Variants in MTAP observed in about 807,000 individuals in gnomAD.
MTAP encodes S-methyl-5'-thioadenosine phosphorylase.
MTAP carries 33 observed loss-of-function variants against 33.6 expected under a neutral mutation model. The ratio of observed to expected loss-of-function variants is 0.98; its 90% CI spans 0.74 to 1.31. The LOEUF is 1.31. Ranked by LOEUF, MTAP falls within the 40% of genes most tolerant of loss-of-function variation. The pLI is 0.00. For missense variants in MTAP, 367 were observed against 360.0 expected, an observed-to-expected ratio of 1.02 and a Z score of -0.16; for synonymous variants, 148 against 125.7, an observed-to-expected ratio of 1.18 and a Z score of -1.19.
rs570863674 is a variant in MTAP, at chr9:21,821,591, T to A, written c.347+3389T>A. On this transcript the variant is annotated intron_variant, in intron 4 of 7. Transcript: ENST00000644715. The stretch of plus-strand genomic sequence containing the variant: ...GGATATTGGTCTAAAATTGTCTTTT[T>A]TGGTTGTGTCTCTGCCAGGCTTTGG... 3.9e-3 allele frequency among the ~76,000 whole-genome samples: 596 copies of A among 152,296 alleles called. 7 individuals are homozygous for A. Among genetic ancestry groups the A allele is most frequent in the African/African-American group, 0.014 (569 of 41,560 alleles).
downstream of MTAP, among the ~76,000 whole-genome samples, chr9:21,867,799 C>G (rs80250392): frequency 5.6e-3 from 853 of 151,928 alleles, 18 homozygotes; most frequent in East Asian, 0.055. Flanking sequence ...ACATTTGATA[C>G]CTGAAAATAT....
chr9:21,862,019 G>A lies in MTAP; in HGVS notation c.*5G>A, dbSNP rs367743939. ...GTTTTATTACCAAGACATTAAAGTAGCATGGCTGCCCAGGAGAAAAGAAGA... is the reference window on the plus strand; with the variant it reads ...GTTTTATTACCAAGACATTAAAGTAACATGGCTGCCCAGGAGAAAAGAAGA... On this transcript the variant is annotated 3_prime_UTR_variant, in exon 8 of 8. Transcript: ENST00000644715. 3.7e-6 allele frequency: 6 copies of A among 1,611,982 alleles called. No individual in the cohort carries two copies. In the African/African-American group the frequency reaches 4.0e-5, roughly 11 times the overall value.
chr9:21,825,680 A>G lies in MTAP; in HGVS notation c.347+7478A>G, dbSNP rs373673571. Among the ~76,000 whole-genome samples the G allele has an allele frequency of 2.6e-5, 4 of 152,324 alleles. No individual in the cohort carries two copies. The South Asian group carries it at 8.3e-4, about 32-fold the overall frequency. On this transcript the variant is annotated intron_variant, in intron 4 of 7. Transcript: ENST00000644715. ...TAGTGAGACCTTGTCTCTGTAAAAA[A>G]TAAAACAAAAATTAGCCATGTGTGT...
chr9:21,885,637 G>C (rs748382499), intron 1 of MTAP, among the ~76,000 whole-genome samples: 16 of 152,100 alleles, frequency 1.1e-4, no homozygotes, highest in South Asian at 4.2e-4. Flanking sequence ...TTGCATCCTC[G>C]TGGCTTAGCT....
chr9:21,849,431 G>A (rs367648119), intron 5 of MTAP, among the ~76,000 whole-genome samples: 41 of 152,282 alleles, frequency 2.7e-4, no homozygotes, highest in Middle Eastern at 6.8e-3. Flanking sequence ...TTTAGCTCAG[G>A]TCTGACGTGC....
At chr9:21,823,204 A>T (rs1250899035) in intron 4 of MTAP, among the ~76,000 whole-genome samples, 1 of 152,156 alleles carries the variant, frequency 6.6e-6, no homozygotes, top group Non-Finnish European at 1.5e-5. Context: ...TCGTTAGTTG[A>T]TGCAGTTTCT....
At chr9:21,899,140 AC>A (rs1382445534) in intron 1 of MTAP, among the ~76,000 whole-genome samples, 1 of 148,660 alleles carries the variant, frequency 6.7e-6, no homozygotes, top group Non-Finnish European at 1.5e-5. Flanking sequence ...AGGACAGAAA[AC>A]CAAACACTGC....
chr9:21,868,445 C>A (rs1324470035), downstream of MTAP, among the ~76,000 whole-genome samples: 1 of 152,088 alleles, frequency 6.6e-6, no homozygotes, highest in Non-Finnish European at 1.5e-5. Context: ...TAGGAGAAAG[C>A]CTTCAATGAG....
At chr9:21,916,412 C>T (rs919910986) in intron 1 of MTAP, among the ~76,000 whole-genome samples, 1 of 152,004 alleles carries the variant, frequency 6.6e-6, no homozygotes, top group African/African-American at 2.4e-5. Flanking sequence ...GAGTTCGAGA[C>T]AGGCCTGGCC....
At chr9:21,940,432 G>A (rs1819118237), downstream of MTAP, among the ~76,000 whole-genome samples, 1 of 152,132 alleles carries the variant, frequency 6.6e-6, no homozygotes, top group African/African-American at 2.4e-5. Context: ...CTATATATTA[G>A]TAGAAAACTA....
chr9:21,934,090 G>A (rs1018953564), downstream of MTAP: 11 of 152,128 alleles, frequency 7.2e-5, no homozygotes, highest in African/African-American at 2.2e-4. This position sits in a 1 kb window ranked among gnomAD's most constrained non-coding sequence, Gnocchi z 5.0. Flanking sequence ...CTCATGGTCA[G>A]AACAAATTTA....
chr9:21,912,055 C>T (rs1305742526), intron 1 of MTAP, among the ~76,000 whole-genome samples: 2 of 152,178 alleles, frequency 1.3e-5, no homozygotes, highest in African/African-American at 2.4e-5. Flanking sequence ...TTCCTCGACA[C>T]ATACACCCTC....
At chr9:21,917,504 C>G (rs1242088587) in intron 1 of MTAP, among the ~76,000 whole-genome samples, 1 of 152,140 alleles carries the variant, frequency 6.6e-6, no homozygotes, top group Non-Finnish European at 1.5e-5. Flanking sequence ...ATGCTTGTCA[C>G]TAATCATCAG....
At chr9:21,821,862 G>C (rs1378859874) in intron 4 of MTAP, among the ~76,000 whole-genome samples, 3 of 152,162 alleles carry the variant, frequency 2.0e-5, no homozygotes, top group African/African-American at 7.2e-5. Context: ...TCTTGGGAGG[G>C]TGTGTGTGTC....
intron 4 of MTAP, among the ~76,000 whole-genome samples, chr9:21,826,043 C>A (rs1824789396): frequency 6.6e-6 from 1 of 151,882 alleles, no homozygotes; most frequent in African/African-American, 2.4e-5. Flanking sequence ...GGTATTAACC[C>A]CTTATCCGAG....
chr9:21,919,638 A>T (rs1017755688), intron 1 of MTAP, among the ~76,000 whole-genome samples: 2 of 152,210 alleles, frequency 1.3e-5, no homozygotes, highest in Admixed American at 1.3e-4. Context: ...ATAATTGACT[A>T]TGTGACCATA....
rs55707328 is a variant in MTAP at position 21,808,421 on chromosome 9, C to CA, written c.33+5652dup. Reference sequence around the variant, plus strand: ...GCAGCATGGTGAAACCTCATCTCTGCAAAAAAAAAAAACAAAAAAATTAGC... The same window carrying CA: ...GCAGCATGGTGAAACCTCATCTCTGCAAAAAAAAAAAAACAAAAAAATTAGC... On this transcript the variant is annotated intron_variant, in intron 1 of 7. Transcript: ENST00000644715. Among the ~76,000 whole-genome samples, 1,401 of 143,432 alleles carry CA rather than the reference C, an allele frequency of 9.8e-3. 17 individuals are homozygous for CA. The highest frequency in any genetic ancestry group is 0.033 in the South Asian group (145 of 4,336). The allele number at this position is 143,432 out of a possible 152,430, so 94.1% of individuals were successfully genotyped here.
At position 21,803,853 on chromosome 9, in the gene MTAP, G is replaced by C. The variant is rs1824133970; in HGVS notation, c.33+1072G>C. On this transcript the variant is annotated intron_variant, in intron 1 of 7. Transcript: ENST00000644715. Reference sequence around the variant, plus strand: ...GGGAGAAGGCGAATTTCTGCGGTCAGTGTGTAATCAGCCAGATTAGTTTAT... The same window carrying C: ...GGGAGAAGGCGAATTTCTGCGGTCACTGTGTAATCAGCCAGATTAGTTTAT... Among the ~76,000 whole-genome samples, 3 of 152,212 alleles carry C rather than the reference G, an allele frequency of 2.0e-5. No individual in the cohort carries two copies. The South Asian group carries it at 6.2e-4, about 32-fold the overall frequency.
At chr9:21,844,118 A>G (rs528540230) in intron 5 of MTAP, among the ~76,000 whole-genome samples, 3 of 152,344 alleles carry the variant, frequency 2.0e-5, no homozygotes, top group African/African-American at 4.8e-5. Flanking sequence ...CACACAAACT[A>G]GAAAATCTAG....
Sources: gnomAD v4.1 joint callset for allele counts (sites outside exome capture counted in the v4.1 genomes callset) on GRCh38, gnomAD v4.1.1 for gene constraint, Gnocchi (gnomAD v3.1) non-coding constraint, MANE v1.5 for transcripts, NCBI Gene and HGNC (gene_info 2026-07-23, HGNC 2026-07-21) for gene names.